Variants in SHCBP1 observed in about 807,000 individuals in gnomAD.
SHCBP1 encodes the protein SHC binding and spindle associated 1, also known as SHC SH2 domain-binding protein 1.
In SHCBP1, 60 loss-of-function variants were observed where a neutral mutation model predicts 75.1. That is an observed-to-expected ratio of 0.80 (90% CI 0.65 to 0.99). SHCBP1 has a LOEUF of 0.99. Ranked by LOEUF, SHCBP1 falls within the 50% of genes least tolerant of loss-of-function variation. The probability of loss-of-function intolerance (pLI) is 0.00; values close to 1 mark genes in which losing one functional copy is unlikely to be tolerated. For missense variants in SHCBP1, 709 were observed against 809.4 expected (o/e 0.88, Z 1.50); for synonymous variants, 290 against 293.2 (o/e 0.99, Z 0.11).
intron 2 of SHCBP1, 48 bp downstream of exon 2, chr16:46,618,157 C>G (rs1655239787): frequency 5.2e-6 from 8 of 1,538,258 alleles, no homozygotes; most frequent in Middle Eastern, 2.4e-4. Context: ...GCCTGGACAA[C>G]AAGAGCGAAA....
In SHCBP1 at chr16:46,579,137, T is replaced by G. The variant is rs534008341; in HGVS notation, c.*2592A>C. ...ATACTCAAATCAGCAAAATAGAATT[T>G]TGCTACCTGCCATAAATTCAAGGTC... is the stretch of plus-strand genomic sequence containing the variant. On this transcript the variant is annotated 3_prime_UTR_variant, in exon 13 of 13. Coordinates refer to ENST00000303383, the MANE Select transcript of SHCBP1 (RefSeq NM_024745.5). Among the ~76,000 whole-genome samples the G allele has an allele frequency of 1.3e-5, 2 of 152,318 alleles. No individual in the cohort carries two copies. The highest frequency in any genetic ancestry group is 4.1e-4 in the South Asian group (2 of 4,828).
chr16:46,581,661 G>T lies in SHCBP1; in HGVS notation c.*68C>A. On this transcript the variant is annotated 3_prime_UTR_variant, in exon 13 of 13. Coordinates refer to ENST00000303383, the MANE Select transcript of SHCBP1 (RefSeq NM_024745.5). ...TACAGACAATACAGCAAACTACAAT[G>T]GCAGCAGTGATTCTTAGGGCAGCAT... 7.4e-7 allele frequency: 1 copy of T among 1,350,954 alleles called. No homozygotes were observed. The highest frequency in any genetic ancestry group is 1.0e-6 in the Non-Finnish European group (1 of 967,358). 83.7% of individuals were successfully genotyped at this position (1,350,954 alleles called of 1,614,324 possible).
At position 46,602,999 on chromosome 16, in the gene SHCBP1, A is replaced by C. The variant is rs180919608; in HGVS notation, c.1213+540T>G. ...TAAAGTATACTTTGGTCAAGACACAAAGTGTAGCATTTGTGACATTCGGCA... is the reference window on the plus strand; with the variant it reads ...TAAAGTATACTTTGGTCAAGACACACAGTGTAGCATTTGTGACATTCGGCA... On this transcript the variant is annotated intron_variant, in intron 8 of 12. Transcript: ENST00000303383. Among the ~76,000 whole-genome samples the C allele has an allele frequency of 6.8e-4, 104 of 152,300 alleles. No individual in the cohort carries two copies. The East Asian group carries it at 0.017, about 24-fold the overall frequency.
intron 12 of SHCBP1, 100 bp downstream of exon 12, chr16:46,583,416 A>C: frequency 7.7e-7 from 1 of 1,291,036 alleles, no homozygotes; most frequent in Non-Finnish European, 1.1e-6. Context: ...ATATCCCAAC[A>C]ACCTTTTTTA....
At chr16:46,584,414 A>G (rs1434468107) in intron 10 of SHCBP1, among the ~76,000 whole-genome samples, 1 of 152,146 alleles carries the variant, frequency 6.6e-6, no homozygotes, top group Non-Finnish European at 1.5e-5. Context: ...AAAAAAAAAA[A>G]GTCATTTAAC....
At chr16:46,599,728 C>A in intron 9 of SHCBP1, 103 bp downstream of exon 9, 1 of 474,638 alleles carries the variant, frequency 2.1e-6, no homozygotes. Flanking sequence ...CAAGGTATGC[C>A]TGTACTCAAG....
At chr16:46,583,005 C>T (rs1241590021) in intron 12 of SHCBP1, among the ~76,000 whole-genome samples, 1 of 152,154 alleles carries the variant, frequency 6.6e-6, no homozygotes, top group East Asian at 1.9e-4. Context: ...CCTTCGCTGC[C>T]AAGAAAGGCA....
intron 8 of SHCBP1, among the ~76,000 whole-genome samples, chr16:46,602,853 A>T (rs1965262861): frequency 6.6e-6 from 1 of 151,916 alleles, no homozygotes; most frequent in Non-Finnish European, 1.5e-5. Context: ...CTGGTCTCAA[A>T]CTCCTGGCCT....
intron 9 of SHCBP1, among the ~76,000 whole-genome samples, chr16:46,598,252 A>G (rs1444458631): frequency 6.6e-6 from 1 of 152,176 alleles, no homozygotes; most frequent in Non-Finnish European, 1.5e-5. Context: ...GCCCAGACCC[A>G]TCGGAGGAAT....
intron 8 of SHCBP1, among the ~76,000 whole-genome samples, chr16:46,600,422 T>C (rs1019368167): frequency 6.6e-6 from 1 of 152,078 alleles, no homozygotes; most frequent in Non-Finnish European, 1.5e-5. Context: ...GCTATGATCA[T>C]GCCATTGCAC....
chr16:46,597,520 T>C (rs1425893693), intron 9 of SHCBP1, among the ~76,000 whole-genome samples: 1 of 152,234 alleles, frequency 6.6e-6, no homozygotes, highest in East Asian at 1.9e-4. Context: ...TTTTTAACAA[T>C]ATATACATCT....
chr16:46,600,680 TA>T (rs1965218873), intron 8 of SHCBP1, among the ~76,000 whole-genome samples: 1 of 152,170 alleles, frequency 6.6e-6, no homozygotes, highest in Non-Finnish European at 1.5e-5. Context: ...TAGTTACAGT[TA>T]CAGGAAAAAA....
Position 46,600,057 on chromosome 16 carries a change from AGAT to A in SHCBP1, c.1214-98_1214-96del. ...AAGTTTCTCTAGTTTAAATGACTGC[AGAT>A]GATAATGAGACCAGTCAACCATGTT... On this transcript the variant is annotated intron_variant, in intron 8 of 12. Coordinates refer to ENST00000303383, the MANE Select transcript of SHCBP1 (RefSeq NM_024745.5). The A allele has an allele frequency of 8.8e-6, 12 of 1,367,480 alleles. No homozygotes were observed. In the South Asian group the frequency reaches 1.6e-4, roughly 18 times the overall value. The allele number at this position is 1,367,480 out of a possible 1,614,324, so 84.7% of individuals were successfully genotyped here. A position where few individuals can be genotyped will look rare whatever the true frequency, so the allele number is the denominator to read the frequency against.
intron 4 of SHCBP1, among the ~76,000 whole-genome samples, chr16:46,614,514 T>A (rs1281322388): frequency 3.3e-5 from 5 of 152,140 alleles, no homozygotes; most frequent in African/African-American, 4.8e-5. Flanking sequence ...ATTGTTGAAA[T>A]CATACCCACT....
intron 10 of SHCBP1, among the ~76,000 whole-genome samples, chr16:46,590,860 A>G (rs1004486496): frequency 1.3e-5 from 2 of 152,368 alleles, no homozygotes; most frequent in South Asian, 4.1e-4. Flanking sequence ...ATAAAGACAC[A>G]TGCACATGTA....
rs542765742 is a variant in SHCBP1, at chr16:46,621,035, C to G, written c.103+222G>C. On this transcript the variant is annotated intron_variant, in intron 1 of 12. Transcript: ENST00000303383. Reference sequence around the variant, plus strand: ...CGGGGCGGGCGGAGGCCAGAGAGTGCAGGGAGAGTGGGAGATGCGGATAGG... The same window carrying G: ...CGGGGCGGGCGGAGGCCAGAGAGTGGAGGGAGAGTGGGAGATGCGGATAGG... 187 of 507,172 alleles carry G rather than the reference C, an allele frequency of 3.7e-4. 2 individuals carry two copies. Among genetic ancestry groups the G allele is most frequent in the African/African-American group, 2.5e-3 (126 of 49,442 alleles). The allele number at this position is 507,172 out of a possible 1,614,324, so 31.4% of individuals were successfully genotyped here.
intron 4 of SHCBP1, 27 bp downstream of exon 4, chr16:46,615,919 G>T: frequency 1.2e-6 from 2 of 1,610,736 alleles, no homozygotes; most frequent in South Asian, 1.1e-5. Context: ...TGGCCACAAG[G>T]TTATTTTTCT....
chr16:46,594,020 G>A (rs1965093661), intron 10 of SHCBP1, among the ~76,000 whole-genome samples: 1 of 152,132 alleles, frequency 6.6e-6, no homozygotes, highest in Non-Finnish European at 1.5e-5. Context: ...AGGTATTGGT[G>A]GAGGGATGGC....
intron 7 of SHCBP1, 55 bp from the exon 8 acceptor site, chr16:46,603,714 AGTATTACTCTAG>A: frequency 1.2e-6 from 2 of 1,601,654 alleles, no homozygotes; most frequent in East Asian, 4.5e-5. Context: ...AAGTAATTTG[AGTATTACTCTAG>A]GTGACTTCAT....
Sources: gnomAD v4.1 joint callset for allele counts (sites outside exome capture counted in the v4.1 genomes callset) on GRCh38, gnomAD v4.1.1 for gene constraint, MANE v1.5 for transcripts, NCBI Gene and HGNC (gene_info 2026-07-23, HGNC 2026-07-21) for gene names.